RUFY3: variants seen among roughly 807,000 people sequenced by gnomAD.
RUFY3 encodes the protein protein RUFY3.
RUFY3 carries 34 observed loss-of-function variants against 84.0 expected under a neutral mutation model. The ratio of observed to expected loss-of-function variants is 0.40; its 90% confidence interval spans 0.31 to 0.54. RUFY3 has a LOEUF of 0.54. Among genes scored for constraint, RUFY3 ranks in the 20% least tolerant of loss-of-function variants. The probability of loss-of-function intolerance (pLI) is 0.39; values close to 1 mark genes in which losing one functional copy is unlikely to be tolerated. For missense variants in RUFY3, 507 were observed against 736.8 expected, an observed-to-expected ratio of 0.69 and a Z score of 3.61; for synonymous variants, 242 against 252.9, an observed-to-expected ratio of 0.96 and a Z score of 0.41.
chr4:70,754,112 G>A (rs1177002192), intron 1 of RUFY3, among the ~76,000 whole-genome samples: 1 of 151,882 alleles, frequency 6.6e-6, no homozygotes, highest in Non-Finnish European at 1.5e-5. Flanking sequence ...GAGTGCAATG[G>A]CACAATCTTG....
chr4:70,724,244 T>A (rs1480533205), intron 1 of RUFY3, among the ~76,000 whole-genome samples: 1 of 152,172 alleles, frequency 6.6e-6, no homozygotes, highest in Non-Finnish European at 1.5e-5. Context: ...AAAAATACAG[T>A]TTTAGAAGGC....
intron 12 of RUFY3, chr4:70,791,847 T>A: frequency 4.1e-6 from 4 of 985,750 alleles, no homozygotes; most frequent in Non-Finnish European, 4.8e-6. Flanking sequence ...ACTTAGTATT[T>A]CACTACACTT....
chr4:70,769,338 A>C (rs182408393), intron 5 of RUFY3, among the ~76,000 whole-genome samples: 1 of 152,184 alleles, frequency 6.6e-6, no homozygotes, highest in Non-Finnish European at 1.5e-5. Flanking sequence ...TCTAAAAAAA[A>C]TTTTTTAAAT....
chr4:70,757,495 T>C (rs1347837550), intron 1 of RUFY3, among the ~76,000 whole-genome samples: 1 of 151,930 alleles, frequency 6.6e-6, no homozygotes, highest in African/African-American at 2.4e-5. Flanking sequence ...TCCCAGATAC[T>C]TGGGAGGCTG....
intron 1 of RUFY3, among the ~76,000 whole-genome samples, chr4:70,729,453 T>A (rs1210168933): frequency 1.3e-5 from 2 of 152,124 alleles, no homozygotes; most frequent in Non-Finnish European, 2.9e-5. Flanking sequence ...AGACGAGGTT[T>A]CCCCATGTTG....
chr4:70,782,389 A>G (rs561534164), intron 8 of RUFY3, among the ~76,000 whole-genome samples: 96 of 149,126 alleles, frequency 6.4e-4, no homozygotes, highest in Admixed American at 1.3e-3. Context: ...GGTTCAAGCT[A>G]TTCTCCTGCC....
chr4:70,774,644 A>AAAAAAAAAAT (rs1553916771), intron 6 of RUFY3, among the ~76,000 whole-genome samples: 1 of 56,686 alleles, frequency 1.8e-5, no homozygotes, highest in Non-Finnish European at 3.1e-5. Flanking sequence ...AAAAAAAAAA[A>AAAAAAAAAAT]ATATATATAT....
intron 1 of RUFY3, among the ~76,000 whole-genome samples, chr4:70,733,945 CG>C (rs979325256): frequency 6.6e-6 from 1 of 152,076 alleles, no homozygotes; most frequent in African/African-American, 2.4e-5. Flanking sequence ...TGAAAATTAA[CG>C]GGTGTGCAAT....
intron 7 of RUFY3, among the ~76,000 whole-genome samples, chr4:70,776,280 A>T (rs1346057279): frequency 6.6e-6 from 1 of 152,238 alleles, no homozygotes; most frequent in Non-Finnish European, 1.5e-5. Flanking sequence ...TTAACAATAG[A>T]CTATAATAAA....
intron 1 of RUFY3, among the ~76,000 whole-genome samples, chr4:70,724,888 A>G (rs910995728): frequency 1.3e-5 from 2 of 152,226 alleles, no homozygotes; most frequent in African/African-American, 2.4e-5. Flanking sequence ...TAATTTAGCT[A>G]TAAGCATTTA....
At chr4:70,767,104 A>G (rs1272310686) in intron 4 of RUFY3, among the ~76,000 whole-genome samples, 1 of 151,174 alleles carries the variant, frequency 6.6e-6, no homozygotes, top group Non-Finnish European at 1.5e-5. Flanking sequence ...TTGTTCTTTG[A>G]GACAGAGTTT....
chr4:70,781,258 A>C (rs1370028053), intron 8 of RUFY3, among the ~76,000 whole-genome samples: 1 of 152,136 alleles, frequency 6.6e-6, no homozygotes, highest in East Asian at 1.9e-4. Flanking sequence ...CCAAGGCAGG[A>C]GGATCGTTTG....
chr4:70,732,519 A>G (rs1719444185), intron 1 of RUFY3, among the ~76,000 whole-genome samples: 1 of 152,200 alleles, frequency 6.6e-6, no homozygotes, highest in South Asian at 2.1e-4. Flanking sequence ...GATATCCATC[A>G]ATAATACACT....
chr4:70,794,013 A>C (rs1731203023), intron 13 of RUFY3, 109 bp downstream of exon 13: 2 of 1,195,570 alleles, frequency 1.7e-6, no homozygotes, highest in Admixed American at 2.7e-5. Flanking sequence ...TGTCTTTGCA[A>C]TGTCCTTTCT....
At chr4:70,747,903 A>G (rs1267666765) in intron 1 of RUFY3, among the ~76,000 whole-genome samples, 1 of 152,024 alleles carries the variant, frequency 6.6e-6, no homozygotes, top group African/African-American at 2.4e-5. Flanking sequence ...GATATCCAAA[A>G]CCAAGTTTAT....
chr4:70,737,467 C>G (rs922551147), intron 1 of RUFY3, among the ~76,000 whole-genome samples: 14 of 152,090 alleles, frequency 9.2e-5, no homozygotes, highest in Admixed American at 8.5e-4. Flanking sequence ...GTCCTGTGGA[C>G]AGCAGCTTCC....
At chr4:70,726,899 C>T (rs554447628) in intron 1 of RUFY3, among the ~76,000 whole-genome samples, 42 of 152,270 alleles carry the variant, frequency 2.8e-4, no homozygotes, top group African/African-American at 9.9e-4. Flanking sequence ...CATGTCAGTG[C>T]TAGAGGAGCA....
At chr4:70,705,789 G>GCGCCGC (rs1011689642) in intron 1 of RUFY3, among the ~76,000 whole-genome samples, 3 of 152,142 alleles carry the variant, frequency 2.0e-5, no homozygotes, top group Non-Finnish European at 4.4e-5. Context: ...TGTGGCTGCT[G>GCGCCGC]CGCCGCCGCC....
chr4:70,708,856 A>G (rs1226649025), intron 1 of RUFY3, among the ~76,000 whole-genome samples: 1 of 152,104 alleles, frequency 6.6e-6, no homozygotes, highest in South Asian at 2.1e-4. Flanking sequence ...ACCAGCCTGT[A>G]CATAAGCAGA....
Sources: allele counts gnomAD v4.1 joint callset (sites outside exome capture counted in the v4.1 genomes callset), GRCh38; gene constraint gnomAD v4.1.1; transcripts MANE v1.5; gene names NCBI Gene and HGNC (gene_info 2026-07-23, HGNC 2026-07-21).